Variants in SFXN5 observed in about 807,000 individuals in gnomAD.
The protein encoded by SFXN5 is sideroflexin-5.
SFXN5 carries 43 observed loss-of-function variants against 50.2 expected under a neutral mutation model. The ratio of observed to expected loss-of-function variants is 0.86; its 90% CI spans 0.67 to 1.11. The LOEUF is 1.11. SFXN5 is among the 50% of genes least tolerant of loss of function. SFXN5 has a pLI of 0.00. For missense variants in SFXN5, 463 were observed against 454.1 expected (o/e 1.02, Z -0.18); for synonymous variants, 203 against 185.8 (o/e 1.09, Z -0.75).
chr2:73,016,906 A>G lies in SFXN5; in HGVS notation c.357+3333T>C, dbSNP rs553407519. Reference sequence around the variant, plus strand: ...TGCGGAACATAGAAGGCAATATTCAAAAAAACACTGGCAACAGAGTACATT... The same window carrying G: ...TGCGGAACATAGAAGGCAATATTCAGAAAAACACTGGCAACAGAGTACATT... On this transcript the variant is annotated intron_variant, in intron 6 of 13. Transcript: ENST00000272433. Among the ~76,000 whole-genome samples, 6 of 152,336 alleles carry G rather than the reference A, an allele frequency of 3.9e-5. No homozygotes were observed. In the South Asian group the frequency reaches 1.2e-3, roughly 32 times the overall value.
chr2:73,062,518 G>T (rs115553966), intron 1 of SFXN5, among the ~76,000 whole-genome samples: 2 of 152,248 alleles, frequency 1.3e-5, no homozygotes, highest in East Asian at 3.9e-4. Context: ...GGTCTGGCAC[G>T]GTCTTCATCC....
chr2:72,968,588 G>C, intron 11 of SFXN5, 55 bp from the exon 12 acceptor site: 1 of 1,549,514 alleles, frequency 6.5e-7, no homozygotes, highest in East Asian at 2.3e-5. Context: ...TGACAGGACA[G>C]CACACCACCC....
At chr2:73,021,391 G>A (rs1335490634) in intron 5 of SFXN5, among the ~76,000 whole-genome samples, 1 of 152,212 alleles carries the variant, frequency 6.6e-6, no homozygotes, top group Non-Finnish European at 1.5e-5. Context: ...GGCTGAGGCA[G>A]GAGAATCGCT....
At chr2:73,065,496 G>A (rs1683108813) in intron 1 of SFXN5, among the ~76,000 whole-genome samples, 1 of 152,168 alleles carries the variant, frequency 6.6e-6, no homozygotes, top group African/African-American at 2.4e-5. Context: ...TGCCTCCCGG[G>A]TTCAAGCAAT....
intron 2 of SFXN5, among the ~76,000 whole-genome samples, chr2:73,050,421 C>CACACACACACA (rs1240561312): frequency 2.0e-5 from 3 of 148,492 alleles, no homozygotes; most frequent in Admixed American, 6.7e-5. Context: ...CACACACACA[C>CACACACACACA]CCCTGCAGAG....
At chr2:72,956,812 G>GC (rs1164765040) in intron 13 of SFXN5, among the ~76,000 whole-genome samples, 2 of 151,884 alleles carry the variant, frequency 1.3e-5, no homozygotes, top group African/African-American at 2.4e-5. Context: ...CTCTCTCCAA[G>GC]CCCCCCAACC....
chr2:73,052,949 G>A lies in SFXN5; in HGVS notation c.171+5579C>T, dbSNP rs187658686. On this transcript the variant is annotated intron_variant, in intron 2 of 13. Transcript: ENST00000272433. ...TCCCAGCACTCTGGGAGGCCAAGGC[G>A]GGCAGATCACTTGAGGTCAGGAGTT... Among the ~76,000 whole-genome samples the A allele has an allele frequency of 5.3e-4, 80 of 152,294 alleles. 1 individual carries two copies. Among genetic ancestry groups the A allele is most frequent in the Non-Finnish European group, 5.4e-4 (37 of 68,038 alleles).
chr2:72,970,934 C>A (rs1675093443), intron 11 of SFXN5, among the ~76,000 whole-genome samples: 1 of 152,174 alleles, frequency 6.6e-6, no homozygotes, highest in African/African-American at 2.4e-5. Flanking sequence ...GCGATCCACC[C>A]ACTTTGGCCT....
At chr2:72,963,725 C>G (rs1384477236) in intron 12 of SFXN5, among the ~76,000 whole-genome samples, 9 of 152,284 alleles carry the variant, frequency 5.9e-5, no homozygotes, top group Admixed American at 3.3e-4. Flanking sequence ...CAGCCTGGTG[C>G]CCCTGCTGGC....
intron 1 of SFXN5, among the ~76,000 whole-genome samples, chr2:73,064,803 T>C (rs1683059299): frequency 6.6e-6 from 1 of 152,196 alleles, no homozygotes; most frequent in Non-Finnish European, 1.5e-5. Flanking sequence ...TGTTTTATTT[T>C]TGAGACACAG....
chr2:73,067,894 G>A (rs558999817), intron 1 of SFXN5, among the ~76,000 whole-genome samples: 7 of 152,328 alleles, frequency 4.6e-5, no homozygotes, highest in Middle Eastern at 6.8e-3. Flanking sequence ...TTTGTGTGCT[G>A]TAGTTTTCTT....
At chr2:73,010,074 A>G (rs1189088657) in intron 6 of SFXN5, among the ~76,000 whole-genome samples, 1 of 152,228 alleles carries the variant, frequency 6.6e-6, no homozygotes, top group Non-Finnish European at 1.5e-5. Flanking sequence ...ACCAAATTGT[A>G]TATCTTTTAA....
intron 10 of SFXN5, among the ~76,000 whole-genome samples, chr2:72,984,124 G>A (rs749692297): frequency 3.9e-5 from 6 of 152,234 alleles, no homozygotes; most frequent in Non-Finnish European, 8.8e-5. Context: ...GTCCCCAATC[G>A]ATTCCGATGC....
chr2:72,990,416 C>T lies in SFXN5; in HGVS notation c.535-2068G>A, dbSNP rs1672445727. 3.9e-5 allele frequency among the ~76,000 whole-genome samples: 6 copies of T among 152,216 alleles called. No homozygotes were observed. The Middle Eastern group carries it at 0.014, about 345-fold the overall frequency. ...GAATAGAATTCATCAAGTCCAGGAG[C>T]GAGTGACTCAGAAATGGCCTCCCTC... On this transcript the variant is annotated intron_variant, in intron 9 of 13. Transcript: ENST00000272433.
intron 1 of SFXN5, among the ~76,000 whole-genome samples, chr2:73,063,314 C>A (rs566859555): frequency 9.9e-5 from 15 of 152,202 alleles, no homozygotes; most frequent in Non-Finnish European, 2.2e-4. Context: ...ATAGTCTGAC[C>A]AAGTCAGATT....
chr2:72,991,348 C>A (rs773693192), intron 9 of SFXN5, among the ~76,000 whole-genome samples: 2 of 152,246 alleles, frequency 1.3e-5, no homozygotes. Flanking sequence ...ACATATAGTG[C>A]GGCACACATA....
At chr2:73,000,298 A>C in intron 8 of SFXN5, 133 bp downstream of exon 8, 1 of 834,296 alleles carries the variant, frequency 1.2e-6, no homozygotes, top group Admixed American at 2.8e-5. Context: ...CTGGCATTTT[A>C]AATAAGATAT....
intron 13 of SFXN5, among the ~76,000 whole-genome samples, chr2:72,957,637 G>A (rs1673253882): frequency 6.6e-6 from 1 of 152,240 alleles, no homozygotes; most frequent in Non-Finnish European, 1.5e-5. Context: ...ACTTATTGTG[G>A]CAAATCCCAC....
chr2:72,980,884 C>G (rs1448004178), intron 10 of SFXN5: 1 of 152,154 alleles, frequency 6.6e-6, no homozygotes, highest in Non-Finnish European at 1.5e-5. Flanking sequence ...TAGCCCCTCC[C>G]TCCCTCTGCA....
Sources: allele counts gnomAD v4.1 joint callset (sites outside exome capture counted in the v4.1 genomes callset), GRCh38; gene constraint gnomAD v4.1.1; transcripts MANE v1.5; gene names NCBI Gene and HGNC (gene_info 2026-07-23, HGNC 2026-07-21).